Variants in ANKRD31 observed in about 807,000 individuals in gnomAD.
ANKRD31 encodes ankyrin repeat domain 31.
ANKRD31 carries 147 observed loss-of-function variants against 186.0 expected under a neutral mutation model. That is an observed-to-expected ratio of 0.79 (90% CI 0.69 to 0.91). The LOEUF is 0.91. Ranked by LOEUF, ANKRD31 falls within the 40% of genes least tolerant of loss-of-function variation. The pLI is 0.00. For synonymous variants in ANKRD31, 673 were observed against 736.4 expected, an observed-to-expected ratio of 0.91 and a Z score of 1.39; for missense variants, 1,986 against 2,148.8, an observed-to-expected ratio of 0.92 and a Z score of 1.50.
intron 10 of ANKRD31, among the ~76,000 whole-genome samples, chr5:75,180,166 C>A (rs1372858386): frequency 1.3e-5 from 2 of 152,092 alleles, no homozygotes; most frequent in Non-Finnish European, 2.9e-5. Context: ...CCTAGAAATC[C>A]AACTTACAAG....
chr5:75,171,446 CTG>C (rs1345870459), intron 10 of ANKRD31, among the ~76,000 whole-genome samples: 1 of 151,634 alleles, frequency 6.6e-6, no homozygotes, highest in African/African-American at 2.4e-5. Flanking sequence ...ATATAAAAAT[CTG>C]TGAGATGCAA....
intron 15 of ANKRD31, among the ~76,000 whole-genome samples, chr5:75,143,099 G>C (rs1165128857): frequency 1.3e-5 from 2 of 152,132 alleles, no homozygotes; most frequent in Non-Finnish European, 2.9e-5. Context: ...ATGGCTGTCA[G>C]CATTGCTTGG....
intron 3 of ANKRD31, among the ~76,000 whole-genome samples, chr5:75,216,071 T>C (rs1043009876): frequency 6.6e-6 from 1 of 152,178 alleles, no homozygotes; most frequent in Non-Finnish European, 1.5e-5. Context: ...GAGGTATCTA[T>C]TTTTCCAATG....
intron 14 of ANKRD31, 24 bp downstream of exon 14, chr5:75,145,963 C>T (rs1211148127): frequency 2.1e-6 from 3 of 1,395,746 alleles, no homozygotes; most frequent in African/African-American, 2.9e-5. Flanking sequence ...GAAATATGTA[C>T]AGATTAAGCA....
chr5:75,134,881 G>A (rs1208546244), intron 17 of ANKRD31, among the ~76,000 whole-genome samples: 8 of 152,000 alleles, frequency 5.3e-5, no homozygotes, highest in African/African-American at 9.7e-5. Flanking sequence ...ATCAATAAAC[G>A]TAATCAATCA....
At chr5:75,178,400 G>T (rs1317909889) in intron 10 of ANKRD31, among the ~76,000 whole-genome samples, 1 of 152,146 alleles carries the variant, frequency 6.6e-6, no homozygotes, top group Non-Finnish European at 1.5e-5. Context: ...GACATCTACA[G>T]AACTCTCCAC....
At chr5:75,112,449 G>A (rs1747863277) in intron 20 of ANKRD31, 64 bp downstream of exon 20, 1 of 1,089,348 alleles carries the variant, frequency 9.2e-7, no homozygotes. Flanking sequence ...AAATAAATAT[G>A]TACCTTAAGA....
At chr5:75,229,553 G>C (rs958944866) in intron 2 of ANKRD31, among the ~76,000 whole-genome samples, 1 of 152,032 alleles carries the variant, frequency 6.6e-6, no homozygotes, top group Non-Finnish European at 1.5e-5. Flanking sequence ...ATGGTAATCA[G>C]CAGGTCCTTG....
At chr5:75,198,139 T>C (rs1755592277) in intron 6 of ANKRD31, among the ~76,000 whole-genome samples, 1 of 152,204 alleles carries the variant, frequency 6.6e-6, no homozygotes, top group African/African-American at 2.4e-5. Context: ...AATGGTCAAA[T>C]TCGAGGTCTT....
intron 10 of ANKRD31, among the ~76,000 whole-genome samples, chr5:75,171,849 A>C (rs1470249871): frequency 2.0e-5 from 3 of 151,782 alleles, no homozygotes; most frequent in Non-Finnish European, 4.4e-5. Context: ...ACATTTAAGA[A>C]AGAAAAAAAA....
intron 1 of ANKRD31, among the ~76,000 whole-genome samples, chr5:75,231,229 C>T (rs189787533): frequency 6.6e-6 from 1 of 151,364 alleles, no homozygotes; most frequent in Non-Finnish European, 1.5e-5. Flanking sequence ...ACCACCATGC[C>T]TGGCTATTTT....
chr5:75,084,504 A>G, intron 23 of ANKRD31, 130 bp from the exon 24 acceptor site: 1 of 680,144 alleles, frequency 1.5e-6, no homozygotes, highest in Non-Finnish European at 2.5e-6. Flanking sequence ...GCTTCAGTCC[A>G]TGGCCAAATC....
At chr5:75,120,823 A>C (rs1452684325) in intron 17 of ANKRD31, among the ~76,000 whole-genome samples, 1 of 152,228 alleles carries the variant, frequency 6.6e-6, no homozygotes, top group Non-Finnish European at 1.5e-5. Flanking sequence ...ATAGATAGGC[A>C]GAATGGATTT....
At chr5:75,079,424 G>A (rs545571893) in intron 25 of ANKRD31, among the ~76,000 whole-genome samples, 7 of 150,946 alleles carry the variant, frequency 4.6e-5, no homozygotes, top group African/African-American at 1.5e-4. Flanking sequence ...GGGAGAATTC[G>A]CTTTTAAATT....
At chr5:75,183,739 C>G (rs954247956) in intron 10 of ANKRD31, among the ~76,000 whole-genome samples, 2 of 152,060 alleles carry the variant, frequency 1.3e-5, no homozygotes, top group African/African-American at 4.8e-5. Context: ...AACTACAAAA[C>G]ATTGATGAAA....
intron 10 of ANKRD31, among the ~76,000 whole-genome samples, chr5:75,184,115 C>A (rs999984664): frequency 3.3e-5 from 5 of 152,082 alleles, no homozygotes; most frequent in Non-Finnish European, 7.4e-5. Flanking sequence ...CAGCCAACTG[C>A]TTTTCAACAA....
intron 22 of ANKRD31, among the ~76,000 whole-genome samples, chr5:75,095,644 A>G (rs1205626899): frequency 6.6e-6 from 1 of 152,194 alleles, no homozygotes; most frequent in Non-Finnish European, 1.5e-5. Flanking sequence ...GTCACTTGGT[A>G]GAAATCTAGG....
At chr5:75,172,624 A>G (rs1194401067) in intron 10 of ANKRD31, among the ~76,000 whole-genome samples, 1 of 152,210 alleles carries the variant, frequency 6.6e-6, no homozygotes, top group African/African-American at 2.4e-5. Context: ...ACGCAAATCA[A>G]CTAGAAAATC....
At chr5:75,187,648 G>C (rs757469560) in intron 10 of ANKRD31, among the ~76,000 whole-genome samples, 9 of 152,052 alleles carry the variant, frequency 5.9e-5, no homozygotes, top group Non-Finnish European at 8.8e-5. Flanking sequence ...ACAAGGTTGA[G>C]GGTTATAACA....
Sources: allele counts gnomAD v4.1 joint callset (sites outside exome capture counted in the v4.1 genomes callset), GRCh38; gene constraint gnomAD v4.1.1; transcripts MANE v1.5; gene names NCBI Gene and HGNC (gene_info 2026-07-23, HGNC 2026-07-21).